DTX4: variants seen among roughly 807,000 people sequenced by gnomAD.
DTX4 encodes the protein E3 ubiquitin-protein ligase DTX4.
Under a neutral mutation model 57.6 loss-of-function variants are expected in DTX4, and 28 were observed. The observed-to-expected ratio is 0.49, with a 90% CI of 0.36 to 0.67. The LOEUF is 0.67. DTX4 is among the 30% of genes least tolerant of loss of function. The probability of loss-of-function intolerance (pLI) is 0.00; values close to 1 mark genes in which losing one functional copy is unlikely to be tolerated. For missense variants in DTX4, 715 were observed against 836.8 expected, an observed-to-expected ratio of 0.85 and a Z score of 1.80; for synonymous variants, 316 against 331.0, an observed-to-expected ratio of 0.95 and a Z score of 0.49.
chr11:59,203,329 T>G (rs1284106119), intron 8 of DTX4, among the ~76,000 whole-genome samples: 1 of 152,266 alleles, frequency 6.6e-6, no homozygotes, highest in Non-Finnish European at 1.5e-5. Flanking sequence ...ATTGTACAGC[T>G]GTAGAAAAAT....
In DTX4 at chr11:59,182,175, G is replaced by T. The variant is rs1226009888; in HGVS notation, c.648G>T (p.Val216=). 6.2e-7 allele frequency: 1 copy of T among 1,612,814 alleles called. No individual in the cohort carries two copies. Among genetic ancestry groups the T allele is most frequent in the Non-Finnish European group, 8.5e-7 (1 of 1,179,518 alleles). Reference sequence around the variant, plus strand: ...GCACTGGGCCCCTACAGCTGCCAGTGACCCGCAAGAACATGCCGCCTCCTG... The same window carrying T: ...GCACTGGGCCCCTACAGCTGCCAGTTACCCGCAAGAACATGCCGCCTCCTG... ...NGSTGPLQLP[V]TRKNMPPPGV... is the part of the protein sequence containing the mutation. The change falls in exon 2 of 9, where the codon GTG becomes GTT. Residue 216 remains valine (V), a synonymous_variant. Coordinates refer to ENST00000227451, the MANE Select transcript of DTX4 (RefSeq NM_015177.2).
At chr11:59,189,441 C>T (rs1306791731) in intron 4 of DTX4, 118 bp downstream of exon 4, 1 of 1,033,138 alleles carries the variant, frequency 9.7e-7, no homozygotes, top group Non-Finnish European at 1.4e-6. Context: ...TCAATTTCTG[C>T]ATCTGTAAGT....
At chr11:59,204,179 A>T (rs1862774226) in intron 8 of DTX4, among the ~76,000 whole-genome samples, 1 of 152,174 alleles carries the variant, frequency 6.6e-6, no homozygotes, top group Non-Finnish European at 1.5e-5. Context: ...AATAGTGCAC[A>T]GCTTCAGCTT....
intron 1 of DTX4, among the ~76,000 whole-genome samples, chr11:59,177,365 A>G (rs1862408654): frequency 6.6e-6 from 1 of 152,142 alleles, no homozygotes; most frequent in Admixed American, 6.5e-5. Flanking sequence ...GCATTCAGCT[A>G]CTCATGATCA....
chr11:59,190,044 C>T (rs1391503992), intron 4 of DTX4, among the ~76,000 whole-genome samples: 1 of 152,126 alleles, frequency 6.6e-6, no homozygotes, highest in Non-Finnish European at 1.5e-5. Context: ...GCACTTAGCC[C>T]AGGGCCTGGC....
rs773400589 is a variant in DTX4 at position 59,182,250 on chromosome 11, C to T, written c.723C>T (p.Asp241=). 4 of 1,611,982 alleles carry T rather than the reference C, an allele frequency of 2.5e-6. No homozygotes were observed. The South Asian group carries it at 4.4e-5, about 18-fold the overall frequency. Residue 241 remains aspartate, a synonymous_variant, in exon 2 of 9, where the codon GAC becomes GAT. Coordinates refer to ENST00000227451, the MANE Select transcript of DTX4 (RefSeq NM_015177.2). ...PLPGSGAKPL[D]STGTIRGPLK... ...CAGGCTCTGGGGCCAAGCCACTGGA[C>T]AGCACAGGCACCATTCGAGGCCCAC...
chr11:59,192,041 A>G, intron 5 of DTX4, 57 bp from the exon 6 acceptor site: 1 of 1,576,200 alleles, frequency 6.3e-7, no homozygotes, highest in South Asian at 1.1e-5. Context: ...TCATGTGGAA[A>G]TCTCCCAGGC....
In DTX4 at chr11:59,192,151, G is replaced by T; in HGVS notation, c.1275G>T (p.Pro425=). 6.2e-7 allele frequency: 1 copy of T among 1,613,902 alleles called. No homozygotes were observed. ...CGGCCCCCTCAGGCTACAAGGGCCC[G>T]CAGCCTACGGTAAAACCTGACCTGG... The part of the protein sequence containing the change: ...RLTAPSGYKG[P]QPTVKPDLVG... Residue 425 remains proline, a synonymous_variant, in exon 6 of 9, where the codon CCG becomes CCT. Coordinates refer to ENST00000227451, the MANE Select transcript of DTX4 (RefSeq NM_015177.2).
intron 1 of DTX4, among the ~76,000 whole-genome samples, chr11:59,178,281 T>G (rs1039278354): frequency 2.6e-5 from 4 of 152,008 alleles, no homozygotes; most frequent in African/African-American, 9.7e-5. Context: ...GTAGGGGGGA[T>G]TTAGATTTCA....
chr11:59,190,401 A>G (rs1862581249), intron 4 of DTX4, among the ~76,000 whole-genome samples: 2 of 152,226 alleles, frequency 1.3e-5, no homozygotes, highest in Non-Finnish European at 2.9e-5. Context: ...CCCATTTCAT[A>G]GGTGAGAAAA....
chr11:59,189,142 C>T lies in DTX4; in HGVS notation c.998-20C>T, dbSNP rs1357101057. 9 of 1,612,230 alleles carry T rather than the reference C, an allele frequency of 5.6e-6. No individual in the cohort carries two copies. Among genetic ancestry groups the T allele is most frequent in the Middle Eastern group, 2.0e-4 (1 of 5,094 alleles). On this transcript the variant is annotated intron_variant, in intron 3 of 8. Transcript: ENST00000227451. ...AGCTAAGTCTCCAGTCTTTCCTCAC[C>T]CATGCCCTGCCCCTTCCAGGAATCA...
chr11:59,172,868 C>G, intron 1 of DTX4, 62 bp downstream of exon 1: 1 of 1,372,342 alleles, frequency 7.3e-7, no homozygotes, highest in Middle Eastern at 2.6e-4. Flanking sequence ...GCCAAGGTAC[C>G]TCCCTCCCTG....
rs1325722491 is a variant in DTX4 at position 59,206,990 on chromosome 11, T to A, written c.*2081T>A. 1 of 152,218 alleles carries A rather than the reference T, an allele frequency of 6.6e-6. No homozygotes were observed. The highest frequency in any genetic ancestry group is 1.5e-5 in the Non-Finnish European group (1 of 68,046). The allele number at this position is 152,218 out of a possible 1,614,324, so 9.4% of individuals were successfully genotyped here. ...ACACCTGAACTAAATGGAAGAGACATCCCTGCGGTGTTTAATATCACACCC... is the reference window on the plus strand; with the variant it reads ...ACACCTGAACTAAATGGAAGAGACAACCCTGCGGTGTTTAATATCACACCC... On this transcript the variant is annotated 3_prime_UTR_variant, in exon 9 of 9. Transcript: ENST00000227451.
At chr11:59,189,799 C>A (rs1456377008) in intron 4 of DTX4, among the ~76,000 whole-genome samples, 1 of 152,124 alleles carries the variant, frequency 6.6e-6, no homozygotes, top group South Asian at 2.1e-4. Context: ...TGTCCTGTGT[C>A]CCCCTAGAAC....
At chr11:59,175,700 C>T (rs1862387540) in intron 1 of DTX4, among the ~76,000 whole-genome samples, 1 of 152,124 alleles carries the variant, frequency 6.6e-6, no homozygotes, top group Non-Finnish European at 1.5e-5. Flanking sequence ...TGTTGTAGGG[C>T]AGTGACTGAA....
At chr11:59,194,237 C>T (rs758538603) in intron 6 of DTX4, among the ~76,000 whole-genome samples, 6 of 152,322 alleles carry the variant, frequency 3.9e-5, no homozygotes, top group Middle Eastern at 3.4e-3. Flanking sequence ...CTAATAATTT[C>T]TTCCAGGCCA....
At chr11:59,187,622 T>G (rs188534817) in intron 2 of DTX4, among the ~76,000 whole-genome samples, 31 of 152,378 alleles carry the variant, frequency 2.0e-4, no homozygotes, top group Admixed American at 1.3e-3. Flanking sequence ...AGCAGAGCTG[T>G]TGGCTTTGCA....
chr11:59,181,807 G>C lies in DTX4; in HGVS notation c.280G>C (p.Glu94Gln). The C allele has an allele frequency of 6.2e-7, 1 of 1,614,022 alleles. No homozygotes were observed. The highest frequency in any genetic ancestry group is 8.5e-7 in the Non-Finnish European group (1 of 1,179,900). Residue 94 changes from glutamate to glutamine, a missense_variant, in exon 2 of 9, where the codon GAG becomes CAG. Physicochemically the swap from Glu to Gln is conservative, Grantham distance 29 (BLOSUM62 2). Coordinates refer to ENST00000227451, the MANE Select transcript of DTX4 (RefSeq NM_015177.2). ...SSAPGKGVVW[E>Q]WENDNGSWTP... The stretch of plus-strand genomic sequence containing the variant: ...GGCCCCTGGGAAGGGCGTGGTGTGG[G>C]AGTGGGAGAACGACAATGGCTCCTG...
chr11:59,202,728 T>G (rs1862754615), intron 8 of DTX4, among the ~76,000 whole-genome samples: 1 of 152,186 alleles, frequency 6.6e-6, no homozygotes, highest in South Asian at 2.1e-4. Flanking sequence ...CCAAGGCAAG[T>G]CTTTTACCTT....
Sources: gnomAD v4.1 joint callset for allele counts (sites outside exome capture counted in the v4.1 genomes callset) on GRCh38, gnomAD v4.1.1 for gene constraint, MANE v1.5 for transcripts, NCBI Gene and HGNC (gene_info 2026-07-23, HGNC 2026-07-21) for gene names.